Variants in SUSD1 observed in about 807,000 individuals in gnomAD.
SUSD1 encodes the protein sushi domain containing 1.
SUSD1 carries 65 observed loss-of-function variants against 86.9 expected under a neutral mutation model. The observed-to-expected ratio is 0.75, with a 90% CI of 0.61 to 0.92. The LOEUF is 0.92. SUSD1 is among the 40% of genes least tolerant of loss of function. SUSD1 has a pLI of 0.00. For missense variants in SUSD1, 850 were observed against 929.7 expected (o/e 0.91, Z 1.11); for synonymous variants, 346 against 350.0 (o/e 0.99, Z 0.13).
intron 3 of SUSD1, among the ~76,000 whole-genome samples, 172 bp from the exon 4 acceptor site, chr9:112,143,795 A>G (rs552272385): frequency 6.6e-6 from 1 of 152,330 alleles, no homozygotes; most frequent in Non-Finnish European, 1.5e-5. Flanking sequence ...GGTTCTTCTC[A>G]TATATCGTTC....
chr9:112,139,508 G>A (rs1192748414), intron 5 of SUSD1, among the ~76,000 whole-genome samples: 1 of 152,006 alleles, frequency 6.6e-6, no homozygotes, highest in Non-Finnish European at 1.5e-5. Context: ...GGCAGGGTGT[G>A]ATCATGGCTC....
intron 14 of SUSD1, among the ~76,000 whole-genome samples, chr9:112,054,508 G>A (rs1425968193): frequency 2.0e-5 from 3 of 151,860 alleles, no homozygotes; most frequent in Non-Finnish European, 2.9e-5. Flanking sequence ...GATCACCTGA[G>A]CCCAGGAGGT....
At chr9:112,165,948 A>C (rs902721487) in intron 1 of SUSD1, among the ~76,000 whole-genome samples, 43 of 140,912 alleles carry the variant, frequency 3.1e-4, no homozygotes, top group African/African-American at 1.3e-3. Context: ...GAAAGAAGAA[A>C]GAAAGAAAGA....
intron 1 of SUSD1, among the ~76,000 whole-genome samples, chr9:112,162,845 A>G (rs1833628770): frequency 1.3e-5 from 2 of 152,176 alleles, no homozygotes; most frequent in African/African-American, 4.8e-5. Context: ...GCAATCTGTA[A>G]CCAACCAAAT....
chr9:112,111,791 T>G lies in SUSD1; in HGVS notation c.1034A>C (p.Glu345Ala). The G allele has an allele frequency of 6.2e-7, 1 of 1,614,114 alleles. No individual in the cohort carries two copies. Among genetic ancestry groups the G allele is most frequent in the South Asian group, 1.1e-5 (1 of 91,078 alleles). ...GCTGTCTGTGGTCAAGTTGACTGTCTCCTCACGAACTGATTCCATAGGGTC... is the reference window on the plus strand; with the variant it reads ...GCTGTCTGTGGTCAAGTTGACTGTCGCCTCACGAACTGATTCCATAGGGTC... ...RLDPMESVRE[E>A]TVNLTTDSRT... Residue 345 changes from glutamate (E) to alanine (A), a missense_variant, in exon 8 of 17, where the codon GAG (glutamate) becomes GCG (alanine). By Grantham distance (107) the Glu-to-Ala change is moderately radical. Coordinates refer to ENST00000374270, the MANE Select transcript of SUSD1 (RefSeq NM_022486.5).
chr9:112,114,555 G>T (rs1831233502), intron 6 of SUSD1, among the ~76,000 whole-genome samples: 1 of 152,166 alleles, frequency 6.6e-6, no homozygotes. Context: ...CCCAGAGAAA[G>T]TTGTCCTCAT....
chr9:112,170,586 C>G (rs1346478243), intron 1 of SUSD1, among the ~76,000 whole-genome samples: 1 of 152,008 alleles, frequency 6.6e-6, no homozygotes, highest in Non-Finnish European at 1.5e-5. Flanking sequence ...GACTTCAGTT[C>G]AACTGACTTC....
At chr9:112,167,057 T>C (rs534600257) in intron 1 of SUSD1, among the ~76,000 whole-genome samples, 1 of 151,990 alleles carries the variant, frequency 6.6e-6, no homozygotes, top group African/African-American at 2.4e-5. Flanking sequence ...AGAGTCAGGG[T>C]TGGAGTCATG....
At chr9:112,134,148 T>C (rs1015649538) in intron 5 of SUSD1, among the ~76,000 whole-genome samples, 2 of 152,198 alleles carry the variant, frequency 1.3e-5, no homozygotes, top group African/African-American at 4.8e-5. Flanking sequence ...CTGTGGAAAG[T>C]AATTTGGAGA....
intron 3 of SUSD1, among the ~76,000 whole-genome samples, chr9:112,148,952 A>G (rs1242951820): frequency 6.6e-6 from 1 of 151,826 alleles, no homozygotes; most frequent in African/African-American, 2.4e-5. Flanking sequence ...AAGAAAAAGA[A>G]TATTACAATG....
At chr9:112,157,820 CTTTCT>C (rs920391132) in intron 1 of SUSD1, among the ~76,000 whole-genome samples, 5 of 133,986 alleles carry the variant, frequency 3.7e-5, no homozygotes, top group Non-Finnish European at 6.2e-5. Context: ...GTCTTTCTTT[CTTTCT>C]TTTTTTTTTT....
chr9:112,061,783 T>C (rs1044438712), intron 13 of SUSD1, among the ~76,000 whole-genome samples: 5 of 152,174 alleles, frequency 3.3e-5, no homozygotes, highest in African/African-American at 1.2e-4. Context: ...ATCGCCAGAC[T>C]TTCTTTTTTG....
intron 5 of SUSD1, among the ~76,000 whole-genome samples, chr9:112,128,567 A>G (rs1671834438): frequency 6.6e-6 from 1 of 152,046 alleles, no homozygotes; most frequent in Non-Finnish European, 1.5e-5. Flanking sequence ...CTAATTTAGT[A>G]TTTTTAGTAG....
At chr9:112,061,254 A>AGTCTTGG (rs1157487506) in intron 13 of SUSD1, among the ~76,000 whole-genome samples, 1 of 152,162 alleles carries the variant, frequency 6.6e-6, no homozygotes, top group Non-Finnish European at 1.5e-5. Context: ...TGGTGCACAA[A>AGTCTTGG]GCAGACTCAG....
intron 5 of SUSD1, among the ~76,000 whole-genome samples, chr9:112,128,983 C>T (rs868824793): frequency 2.6e-5 from 4 of 151,840 alleles, no homozygotes; most frequent in African/African-American, 4.8e-5. Flanking sequence ...GTTTTAAGTA[C>T]GGGAATGAAA....
Position 112,042,195 on chromosome 9 carries a change from T to A in SUSD1, c.2150-235A>T, listed in dbSNP as rs1178216874. On this transcript the variant is annotated intron_variant, in intron 15 of 16. Transcript: ENST00000374270. Reference sequence around the variant, plus strand: ...AAAGGAAGTGTAAAGCCAGACCATGTTAAAGTTACAAGGGAGAAAACAGCT... The same window carrying A: ...AAAGGAAGTGTAAAGCCAGACCATGATAAAGTTACAAGGGAGAAAACAGCT... 3 of 1,532,350 alleles carry A rather than the reference T, an allele frequency of 2.0e-6. No individual in the cohort carries two copies. The South Asian group carries it at 3.6e-5, about 18-fold the overall frequency. 94.9% of individuals were successfully genotyped at this position (1,532,350 alleles called of 1,614,324 possible). A position where few individuals can be genotyped will look rare whatever the true frequency, so the allele number is the denominator to read the frequency against.
intron 10 of SUSD1, among the ~76,000 whole-genome samples, chr9:112,084,420 A>G (rs1829890846): frequency 6.6e-6 from 1 of 151,942 alleles, no homozygotes; most frequent in Non-Finnish European, 1.5e-5. Context: ...ATGAAGAATA[A>G]TATATATATA....
intron 10 of SUSD1, among the ~76,000 whole-genome samples, chr9:112,095,238 A>G (rs1330161158): frequency 6.6e-6 from 1 of 152,206 alleles, no homozygotes; most frequent in Non-Finnish European, 1.5e-5. Flanking sequence ...AAAAGCAAAT[A>G]TAGAGAAGGA....
At chr9:112,123,210 C>A (rs757308956) in intron 6 of SUSD1, among the ~76,000 whole-genome samples, 1 of 152,142 alleles carries the variant, frequency 6.6e-6, no homozygotes, top group Non-Finnish European at 1.5e-5. Flanking sequence ...AGCATGGCAC[C>A]AGCATCTGCT....
Sources: gnomAD v4.1 joint callset for allele counts (sites outside exome capture counted in the v4.1 genomes callset) on GRCh38, gnomAD v4.1.1 for gene constraint, MANE v1.5 for transcripts, NCBI Gene and HGNC (gene_info 2026-07-23, HGNC 2026-07-21) for gene names.